TSHZ3: variants seen among roughly 807,000 people sequenced by gnomAD.
TSHZ3 encodes the protein teashirt homolog 3.
Under a neutral mutation model 64.5 loss-of-function variants are expected in TSHZ3, and 10 were observed. The observed-to-expected ratio is 0.16, with a 90% confidence interval of 0.10 to 0.26. TSHZ3 has a LOEUF of 0.26. Ranked by LOEUF, TSHZ3 falls within the 10% of genes least tolerant of loss-of-function variation. The pLI, the probability that TSHZ3 is intolerant of heterozygous loss-of-function variation, is 1.00. For synonymous variants in TSHZ3, 608 were observed against 593.1 expected, an observed-to-expected ratio of 1.03 and a Z score of -0.36; for missense variants, 1,242 against 1,421.7, an observed-to-expected ratio of 0.87 and a Z score of 2.03.
intron 3 of TSHZ3, among the ~76,000 whole-genome samples, chr19:31,228,617 T>C (rs1975502360): frequency 6.6e-6 from 1 of 152,110 alleles, no homozygotes; most frequent in Non-Finnish European, 1.5e-5. Flanking sequence ...CTTTATTGTG[T>C]TTCAATCAGA....
At chr19:31,313,265 A>C (rs1916510099) in intron 1 of TSHZ3, among the ~76,000 whole-genome samples, 1 of 152,234 alleles carries the variant, frequency 6.6e-6, no homozygotes, top group South Asian at 2.1e-4. Context: ...AAACCTCTGA[A>C]TGTCCAGTTG....
At chr19:31,191,270 CA>C (rs899040921) in intron 5 of TSHZ3, among the ~76,000 whole-genome samples, 7 of 151,236 alleles carry the variant, frequency 4.6e-5, no homozygotes, top group South Asian at 2.1e-4. Flanking sequence ...ATTTTTAACA[CA>C]AAAAAAATCA....
exon 7 of TSHZ3, among the ~76,000 whole-genome samples, chr19:31,150,622 G>C (rs540710482): frequency 1.3e-5 from 2 of 152,198 alleles, no homozygotes; most frequent in South Asian, 2.1e-4. Flanking sequence ...CACAGCGCAC[G>C]GGGCAGACAC....
At chr19:31,172,456 C>G (rs980143093) in intron 5 of TSHZ3, among the ~76,000 whole-genome samples, 2 of 152,290 alleles carry the variant, frequency 1.3e-5, no homozygotes, top group African/African-American at 4.8e-5. Context: ...TTAGCTTTCA[C>G]ACAAGTCTGA....
chr19:31,225,386 A>G (rs1298550087), intron 4 of TSHZ3, among the ~76,000 whole-genome samples: 3 of 152,196 alleles, frequency 2.0e-5, no homozygotes, highest in Admixed American at 2.0e-4. Flanking sequence ...TAGCTGGCTC[A>G]CATTGCCACA....
At chr19:31,296,593 C>T (rs1049446124) in intron 1 of TSHZ3, among the ~76,000 whole-genome samples, 6 of 152,214 alleles carry the variant, frequency 3.9e-5, no homozygotes, top group Admixed American at 3.9e-4. Flanking sequence ...GCCTCAGCCT[C>T]CCAAAGTGCT....
At chr19:31,240,072 T>A (rs1157720368) in intron 3 of TSHZ3, among the ~76,000 whole-genome samples, 1 of 152,162 alleles carries the variant, frequency 6.6e-6, no homozygotes, top group Non-Finnish European at 1.5e-5. Flanking sequence ...ATCTGAAAAT[T>A]TTTTTCTTGT....
intron 1 of TSHZ3, among the ~76,000 whole-genome samples, chr19:31,312,405 C>T (rs1359240254): frequency 3.9e-5 from 6 of 152,196 alleles, no homozygotes. Flanking sequence ...GCACTCATCA[C>T]ACTTCCGATG....
chr19:31,235,095 C>T (rs1304852148), intron 3 of TSHZ3, among the ~76,000 whole-genome samples: 1 of 152,084 alleles, frequency 6.6e-6, no homozygotes, highest in East Asian at 1.9e-4. Flanking sequence ...TTAAAGTATA[C>T]AATGTGATGT....
At chr19:31,163,864 C>A (rs1040350558) in intron 5 of TSHZ3, among the ~76,000 whole-genome samples, 1 of 152,184 alleles carries the variant, frequency 6.6e-6, no homozygotes, top group African/African-American at 2.4e-5. Flanking sequence ...CAAGTATATA[C>A]TGGGGGCTTA....
chr19:31,279,600 C>T lies in TSHZ3; in HGVS notation c.193G>A (p.Ala65Thr), dbSNP rs111618794. The change falls in exon 2 of 2, where the codon GCC becomes ACC. Residue 65 changes from alanine to threonine, a missense_variant. Around this residue, in one of 4 missense-constraint regions of TSHZ3, gnomAD observed 555 missense variants for 704.0 expected, o/e 0.79. Transcript: ENST00000240587. The surrounding 1 kb of genome is among the most constrained non-coding windows in gnomAD (Gnocchi z 6.4). ...ACPSYQNSPA[A>T]EFSCHEMDSE... The stretch of plus-strand genomic sequence containing the variant: ...TCCATTTCATGGCAGGAAAACTCGG[C>T]GGCCGGGGAGTTCTGGTAGCTGGGG... 1.3e-3 allele frequency: 2,094 copies of T among 1,611,518 alleles called. 4 individuals are homozygous for T. Among genetic ancestry groups the T allele is most frequent in the Admixed American group, 5.4e-3 (326 of 59,856 alleles).
At chr19:31,161,438 T>C (rs1974372871) in intron 5 of TSHZ3, among the ~76,000 whole-genome samples, 1 of 152,250 alleles carries the variant, frequency 6.6e-6, no homozygotes. Flanking sequence ...TGGAATGCCC[T>C]AATTGCATTT....
intron 5 of TSHZ3, among the ~76,000 whole-genome samples, chr19:31,179,268 G>A (rs925903909): frequency 2.6e-5 from 4 of 152,182 alleles, no homozygotes; most frequent in Non-Finnish European, 5.9e-5. Context: ...AACCCAGAGA[G>A]AGCTGTCCAG....
chr19:31,272,955 A>G (rs1976164523), downstream of TSHZ3, among the ~76,000 whole-genome samples: 1 of 152,102 alleles, frequency 6.6e-6, no homozygotes, highest in Admixed American at 6.6e-5. Context: ...GCCTTCCTCC[A>G]TTCACTCTCT....
At chr19:31,350,536 C>A (rs1326623853), upstream of TSHZ3, among the ~76,000 whole-genome samples, 1 of 151,538 alleles carries the variant, frequency 6.6e-6, no homozygotes, top group Non-Finnish European at 1.5e-5. Context: ...GGGCTCCCCC[C>A]GAGAGCCTAG....
intron 5 of TSHZ3, among the ~76,000 whole-genome samples, chr19:31,170,276 A>G (rs1396434141): frequency 6.6e-6 from 1 of 152,140 alleles, no homozygotes; most frequent in Non-Finnish European, 1.5e-5. Context: ...GTGAGTCCTC[A>G]CATAGGGATT....
upstream of TSHZ3, among the ~76,000 whole-genome samples, chr19:31,349,969 C>G (rs1172833167): frequency 1.4e-5 from 2 of 147,464 alleles, no homozygotes; most frequent in African/African-American, 4.9e-5. Flanking sequence ...TGCCGCCCCT[C>G]CGCCTCCGCC....
intron 5 of TSHZ3, among the ~76,000 whole-genome samples, chr19:31,187,650 C>T (rs1185543642): frequency 1.3e-5 from 2 of 151,940 alleles, no homozygotes; most frequent in African/African-American, 4.8e-5. Flanking sequence ...TTTATTTTTT[C>T]AGTATGGGTA....
chr19:31,214,777 G>A (rs987041623), intron 4 of TSHZ3, among the ~76,000 whole-genome samples: 4 of 151,930 alleles, frequency 2.6e-5, no homozygotes, highest in South Asian at 2.1e-4. Flanking sequence ...GCGTGGTGGC[G>A]GGCGCCTGTA....
Sources: gnomAD v4.1 joint callset for allele counts (sites outside exome capture counted in the v4.1 genomes callset) on GRCh38, gnomAD v4.1.1 for gene constraint, gnomAD v4.1.1 regional missense constraint, Gnocchi (gnomAD v3.1) non-coding constraint, MANE v1.5 for transcripts, NCBI Gene and HGNC (gene_info 2026-07-23, HGNC 2026-07-21) for gene names.